The following ODAD2 variants were observed in gnomAD, a reference collection of about 807,000 sequenced individuals.
The protein encoded by ODAD2 is outer dynein arm-docking complex subunit 2.
In ODAD2, 89 loss-of-function variants were observed where a neutral mutation model predicts 106.8. The observed-to-expected ratio is 0.83, with a 90% CI of 0.70 to 0.99. ODAD2 has a LOEUF of 0.99. Among genes scored for constraint, ODAD2 ranks in the 50% least tolerant of loss-of-function variants. The probability of loss-of-function intolerance (pLI) is 0.00; values close to 1 mark genes in which losing one functional copy is unlikely to be tolerated. For synonymous variants in ODAD2, 404 were observed against 436.2 expected, an observed-to-expected ratio of 0.93 and a Z score of 0.92; for missense variants, 1,168 against 1,238.5, an observed-to-expected ratio of 0.94 and a Z score of 0.85.
chr10:27,982,693 C>T (rs371342087), intron 6 of ODAD2, among the ~76,000 whole-genome samples: 4 of 152,172 alleles, frequency 2.6e-5, no homozygotes, highest in African/African-American at 7.2e-5. Context: ...GGCAGTCCCC[C>T]GTGATGGCTG....
At chr10:27,989,511 C>A (rs1348968711) in intron 2 of ODAD2, among the ~76,000 whole-genome samples, 1 of 152,148 alleles carries the variant, frequency 6.6e-6, no homozygotes, top group East Asian at 1.9e-4. Flanking sequence ...AAGGGCTGGC[C>A]ACCACACGAA....
At chr10:27,866,934 T>A (rs1431031659) in intron 17 of ODAD2, among the ~76,000 whole-genome samples, 1 of 152,162 alleles carries the variant, frequency 6.6e-6, no homozygotes, top group Non-Finnish European at 1.5e-5. Context: ...ATGTTATAGA[T>A]GTCAATAGTC....
chr10:27,952,090 A>AAAAAAAAAAAAAAAAAAAAAAAAC, intron 10 of ODAD2, among the ~76,000 whole-genome samples: 2 of 150,360 alleles, frequency 1.3e-5, no homozygotes, highest in African/African-American at 2.4e-5. Flanking sequence ...AAAAAAAAAA[A>AAAAAAAAAAAAAAAAAAAAAAAAC]AAGACACACT....
chr10:27,906,507 T>C (rs1217431562), intron 17 of ODAD2, among the ~76,000 whole-genome samples: 1 of 152,196 alleles, frequency 6.6e-6, no homozygotes, highest in Non-Finnish European at 1.5e-5. Context: ...AATCCCATTA[T>C]TGGGTATATA....
intron 16 of ODAD2, among the ~76,000 whole-genome samples, chr10:27,913,996 A>G (rs1024022148): frequency 1.3e-5 from 2 of 152,144 alleles, no homozygotes; most frequent in Admixed American, 1.3e-4. Flanking sequence ...AACCCAAAGG[A>G]ATATAAATCA....
In ODAD2 at chr10:27,982,997, G is replaced by C. The variant is rs559746044; in HGVS notation, c.819+846C>G. ...TTATTAGGCTCCGTCATTAGAATCA[G>C]CTAAAGGAAGACTGAAAGGCTGGCA... On this transcript the variant is annotated intron_variant, in intron 6 of 19. Transcript: ENST00000305242. 3.1e-4 allele frequency among the ~76,000 whole-genome samples: 47 copies of C among 152,316 alleles called. No individual in the cohort carries two copies. In the South Asian group the frequency reaches 9.5e-3, roughly 31 times the overall value.
In ODAD2 at chr10:27,971,188, G is replaced by A; in HGVS notation, c.1062C>T (p.Asn354=). 2.5e-6 allele frequency: 4 copies of A among 1,613,798 alleles called. No individual in the cohort carries two copies. The highest frequency in any genetic ancestry group is 3.4e-6 in the Non-Finnish European group (4 of 1,179,864). The stretch of plus-strand genomic sequence containing the variant: ...TTTGATTCCTCCAAAAATTAATTTG[G>A]TTCTTCTCCAGTGACCTTTTGTCTG... ...SGSDKRSLEK[N]QINFWRNQMT... Residue 354 remains asparagine (N), a synonymous_variant, in exon 8 of 20, where the codon AAC becomes AAT. Transcript: ENST00000305242.
chr10:27,907,785 G>A lies in ODAD2; in HGVS notation c.2496-8C>T, dbSNP rs764407154. ...TCTAAGCGATCAATTATCCTATCGT[G>A]GAACCCAAAATCATGATATAAACTG... On this transcript the variant is annotated splice_polypyrimidine_tract_variant and splice_region_variant and intron_variant, in intron 16 of 19. Transcript: ENST00000305242. 10 of 1,585,118 alleles carry A rather than the reference G, an allele frequency of 6.3e-6. No individual in the cohort carries two copies. Among genetic ancestry groups the A allele is most frequent in the Non-Finnish European group, 7.8e-6 (9 of 1,154,350 alleles).
At chr10:27,861,708 T>C (rs976309032) in intron 18 of ODAD2, among the ~76,000 whole-genome samples, 10 of 152,242 alleles carry the variant, frequency 6.6e-5, no homozygotes, top group African/African-American at 2.4e-4. Context: ...ATATCCTTCT[T>C]TGTATACGTA....
intron 16 of ODAD2, among the ~76,000 whole-genome samples, chr10:27,912,584 A>T (rs868197554): frequency 6.6e-6 from 1 of 152,132 alleles, no homozygotes; most frequent in South Asian, 2.1e-4. Flanking sequence ...GCAAGGTTGT[A>T]GGGTTTCTTT....
intron 5 of ODAD2, 25 bp from the exon 6 acceptor site, chr10:27,984,004 A>C: frequency 1.2e-6 from 2 of 1,602,538 alleles, no homozygotes; most frequent in Non-Finnish European, 1.7e-6. Flanking sequence ...CAAGCAATTA[A>C]CAGGAGTTCC....
intron 17 of ODAD2, among the ~76,000 whole-genome samples, chr10:27,882,173 A>AGAAGAAAG: frequency 9.1e-6 from 1 of 109,746 alleles, no homozygotes; most frequent in South Asian, 3.4e-4. Context: ...GTCATAAAAA[A>AGAAGAAAG]AAAGAAAGAA....
At chr10:27,855,313 C>T (rs1006610890) in intron 19 of ODAD2, among the ~76,000 whole-genome samples, 1 of 152,168 alleles carries the variant, frequency 6.6e-6, no homozygotes, top group African/African-American at 2.4e-5. Context: ...GAACTTCTTT[C>T]TCACTTTACA....
In ODAD2 at chr10:27,877,163, T is replaced by G. The variant is rs866597692; in HGVS notation, c.2611-14541A>C. Among the ~76,000 whole-genome samples the G allele has an allele frequency of 2.0e-5, 3 of 152,224 alleles. No individual in the cohort carries two copies. In the South Asian group the frequency reaches 6.2e-4, roughly 31 times the overall value. Reference sequence around the variant, plus strand: ...TAGCTGTGTCTGATGGAATATAAATTGATGAGATCAGTTCAACAAGCCAAA... The same window carrying G: ...TAGCTGTGTCTGATGGAATATAAATGGATGAGATCAGTTCAACAAGCCAAA... On this transcript the variant is annotated intron_variant, in intron 17 of 19. Transcript: ENST00000305242.
chr10:27,885,704 A>T (rs11599390), intron 17 of ODAD2, among the ~76,000 whole-genome samples: 2 of 53,132 alleles, frequency 3.8e-5, no homozygotes, highest in Admixed American at 3.7e-4. Context: ...TAATATATAT[A>T]AAATATATAT....
At chr10:27,977,421 G>A (rs1197554538) in intron 7 of ODAD2, among the ~76,000 whole-genome samples, 1 of 146,992 alleles carries the variant, frequency 6.8e-6, no homozygotes, top group Admixed American at 6.8e-5. Flanking sequence ...AAAAAAATTA[G>A]CCAGGCGCGG....
At chr10:27,859,277 A>T (rs186072797) in intron 19 of ODAD2, among the ~76,000 whole-genome samples, 1 of 152,284 alleles carries the variant, frequency 6.6e-6, no homozygotes, top group East Asian at 1.9e-4. Context: ...TGCTTTGGCC[A>T]GATTTTTGCT....
intron 10 of ODAD2, among the ~76,000 whole-genome samples, chr10:27,949,608 G>A (rs1051458763): frequency 1.4e-4 from 22 of 152,200 alleles, no homozygotes; most frequent in African/African-American, 4.6e-4. Flanking sequence ...GGGTGGGAGC[G>A]TGGTGCAAGA....
intron 10 of ODAD2, among the ~76,000 whole-genome samples, chr10:27,951,872 C>T (rs1318215124): frequency 9.2e-5 from 14 of 151,716 alleles, no homozygotes; most frequent in African/African-American, 3.1e-4. Flanking sequence ...GTCAAGAGTT[C>T]GAGACCAGCC....
Sources: gnomAD v4.1 joint callset for allele counts (sites outside exome capture counted in the v4.1 genomes callset) on GRCh38, gnomAD v4.1.1 for gene constraint, MANE v1.5 for transcripts, NCBI Gene and HGNC (gene_info 2026-07-23, HGNC 2026-07-21) for gene names.